The following SETBP1 variants were observed in gnomAD, a reference collection of about 807,000 sequenced individuals.
The protein encoded by SETBP1 is SET binding protein 1.
In SETBP1, 9 loss-of-function variants were observed where a neutral mutation model predicts 101.0. That is an observed-to-expected ratio of 0.09 (90% confidence interval 0.05 to 0.16). SETBP1 has a LOEUF of 0.16. SETBP1 is among the 10% of genes least tolerant of loss of function. The pLI, the probability that SETBP1 is intolerant of heterozygous loss-of-function variation, is 1.00. For missense variants in SETBP1, 1,858 were observed against 2,033.8 expected (o/e 0.91, Z 1.66); for synonymous variants, 818 against 788.5 (o/e 1.04, Z -0.63).
At chr18:44,727,039 A>G (rs2069723210) in intron 2 of SETBP1, among the ~76,000 whole-genome samples, 1 of 152,164 alleles carries the variant, frequency 6.6e-6, no homozygotes, top group Admixed American at 6.5e-5. Context: ...AACACTATAA[A>G]CATGTTTCAG....
At chr18:44,903,778 C>G (rs1179948038) in intron 3 of SETBP1, among the ~76,000 whole-genome samples, 1 of 152,194 alleles carries the variant, frequency 6.6e-6, no homozygotes, top group Non-Finnish European at 1.5e-5. Context: ...AGACCCAGTT[C>G]ATCTAATTTC....
At chr18:44,836,310 TG>T (rs1382091830) in intron 2 of SETBP1, among the ~76,000 whole-genome samples, 1 of 152,228 alleles carries the variant, frequency 6.6e-6, no homozygotes, top group African/African-American at 2.4e-5. Flanking sequence ...TAGAGTCTCA[TG>T]CCTTTTCCCT....
chr18:44,815,551 T>G (rs1226307712), intron 2 of SETBP1, among the ~76,000 whole-genome samples: 5 of 152,274 alleles, frequency 3.3e-5, no homozygotes, highest in South Asian at 4.2e-4. Flanking sequence ...ATCTGGAGCT[T>G]TTCTGGACAT....
rs2073985464 is a variant in SETBP1 at position 45,067,592 on chromosome 18, G to A, written c.*3894G>A. ...CTCAACACTACCCTATAGTATCACA[G>A]TGGTCCAAATGCCAGAGCTTACAGA... On this transcript the variant is annotated 3_prime_UTR_variant, in exon 6 of 6. Coordinates refer to ENST00000649279, the MANE Select transcript of SETBP1 (RefSeq NM_015559.3). 6.6e-6 allele frequency: 1 copy of A among 152,174 alleles called. No homozygotes were observed. The highest frequency in any genetic ancestry group is 2.4e-5 in the African/African-American group (1 of 41,438). 9.4% of individuals were successfully genotyped at this position (152,174 alleles called of 1,614,324 possible). A position where few individuals can be genotyped will look rare whatever the true frequency, so the allele number is the denominator to read the frequency against.
intron 4 of SETBP1, among the ~76,000 whole-genome samples, chr18:44,962,998 G>A (rs532228705): frequency 6.6e-6 from 1 of 152,262 alleles, no homozygotes; most frequent in Non-Finnish European, 1.5e-5. Context: ...ACTTTCATTT[G>A]ATCTTCAAAA....
At chr18:44,796,030 A>G (rs2144751423) in intron 2 of SETBP1, among the ~76,000 whole-genome samples, 1 of 152,302 alleles carries the variant, frequency 6.6e-6, no homozygotes, top group African/African-American at 2.4e-5. Context: ...CTAACCTTCC[A>G]ATTTGTGCTT....
rs2072508957 is a variant in SETBP1, at chr18:44,836,923, T to C, written c.487-32307T>C. Among the ~76,000 whole-genome samples the C allele has an allele frequency of 2.6e-5, 4 of 151,758 alleles. No homozygotes were observed. The South Asian group carries it at 6.3e-4, about 24-fold the overall frequency. ...TGGGGCCCTGTCACTTACATCCCTA[T>C]TTTTTTTTCTTTGCAACTGTATGGG... On this transcript the variant is annotated intron_variant, in intron 2 of 5. Transcript: ENST00000649279.
chr18:44,790,350 G>A (rs1008214989), intron 2 of SETBP1, among the ~76,000 whole-genome samples: 4 of 152,160 alleles, frequency 2.6e-5, no homozygotes, highest in Non-Finnish European at 5.9e-5. Context: ...TGCTTCCAAA[G>A]TATTAGCACC....
intron 2 of SETBP1, among the ~76,000 whole-genome samples, chr18:44,728,533 C>T (rs1303372936): frequency 6.6e-6 from 1 of 152,120 alleles, no homozygotes; most frequent in Non-Finnish European, 1.5e-5. Context: ...TCATTGTACT[C>T]ATCATTAAGA....
chr18:44,837,882 A>G (rs535095871), intron 2 of SETBP1, among the ~76,000 whole-genome samples: 5 of 152,322 alleles, frequency 3.3e-5, no homozygotes, highest in African/African-American at 9.6e-5. Flanking sequence ...TCGTGGGTGT[A>G]TACAGAGACA....
intron 3 of SETBP1, chr18:44,871,801 C>T (rs954827035): frequency 3.3e-5 from 5 of 152,154 alleles, no homozygotes; most frequent in African/African-American, 1.2e-4. Context: ...AGCCTGAAAG[C>T]CCGTGTTTTC....
rs1425383675 is a variant in SETBP1 at position 44,864,115 on chromosome 18, G to GA, written c.487-5108dup. On this transcript the variant is annotated intron_variant, in intron 2 of 5. Coordinates refer to ENST00000649279, the MANE Select transcript of SETBP1 (RefSeq NM_015559.3). ...GTTCCTGGGGCAGGAGGACAGAGGG[G>GA]AAAAAAATGGAGTCACCTCCTCCCC... Among the ~76,000 whole-genome samples, 3 of 152,062 alleles carry GA rather than the reference G, an allele frequency of 2.0e-5. No homozygotes were observed. The East Asian group carries it at 5.8e-4, about 29-fold the overall frequency.
chr18:44,914,617 G>A (rs1193749635), intron 3 of SETBP1, among the ~76,000 whole-genome samples: 1 of 152,164 alleles, frequency 6.6e-6, no homozygotes, highest in Non-Finnish European at 1.5e-5. Context: ...GTAATCAAAT[G>A]ATGGTGGGAG....
At chr18:44,695,859 C>CTT (rs749678683) in intron 1 of SETBP1, among the ~76,000 whole-genome samples, 3 of 142,042 alleles carry the variant, frequency 2.1e-5, no homozygotes, top group Non-Finnish European at 3.1e-5. Context: ...GGGAAACCAC[C>CTT]TTTTTTTTTT....
chr18:45,063,895 A>T lies in SETBP1; in HGVS notation c.*197A>T. ...GAAAGCAAAGCAGGGAGACACCTTC[A>T]GAAGAAGCTTGTCTGAGCTTCACCG... On this transcript the variant is annotated 3_prime_UTR_variant, in exon 6 of 6. Transcript: ENST00000649279. 1 of 572,890 alleles carries T rather than the reference A, an allele frequency of 1.7e-6. No homozygotes were observed. Among genetic ancestry groups the T allele is most frequent in the East Asian group, 3.2e-5 (1 of 31,176 alleles). 35.5% of individuals were successfully genotyped at this position (572,890 alleles called of 1,614,324 possible).
chr18:44,710,896 A>G (rs1033226856), intron 2 of SETBP1, among the ~76,000 whole-genome samples: 8 of 152,190 alleles, frequency 5.3e-5, no homozygotes, highest in South Asian at 4.1e-4. Context: ...TCACTCCCCT[A>G]TGGAGCCATC....
At chr18:44,707,317 A>G (rs550791367) in intron 2 of SETBP1, among the ~76,000 whole-genome samples, 4 of 152,194 alleles carry the variant, frequency 2.6e-5, no homozygotes, top group Non-Finnish European at 5.9e-5. Flanking sequence ...TAAGTTTTCC[A>G]TGGTTTTGAG....
chr18:44,835,393 CA>C (rs2072475216), intron 2 of SETBP1, among the ~76,000 whole-genome samples: 2 of 152,120 alleles, frequency 1.3e-5, no homozygotes, highest in Non-Finnish European at 1.5e-5. Context: ...TCCCTGCCCT[CA>C]GCTTTTTCCC....
At chr18:44,817,454 G>A (rs1472967549) in intron 2 of SETBP1, among the ~76,000 whole-genome samples, 2 of 152,104 alleles carry the variant, frequency 1.3e-5, no homozygotes, top group Non-Finnish European at 1.5e-5. Context: ...GGGAGGCCGA[G>A]GCAGGCAAAT....
Sources: gnomAD v4.1 joint callset for allele counts (sites outside exome capture counted in the v4.1 genomes callset) on GRCh38, gnomAD v4.1.1 for gene constraint, MANE v1.5 for transcripts, NCBI Gene and HGNC (gene_info 2026-07-23, HGNC 2026-07-21) for gene names.